Variants in ITPR3 observed in about 807,000 individuals in gnomAD.
ITPR3 encodes the protein inositol 1,4,5-trisphosphate receptor type 3.
ITPR3 carries 173 observed loss-of-function variants against 293.2 expected under a neutral mutation model. That is an observed-to-expected ratio of 0.59 (90% confidence interval 0.52 to 0.67). The LOEUF is 0.67. Among genes scored for constraint, ITPR3 ranks in the 30% least tolerant of loss-of-function variants. The pLI is 0.00. For synonymous variants in ITPR3, 1,295 were observed against 1,444.4 expected, an observed-to-expected ratio of 0.90 and a Z score of 2.35; for missense variants, 2,796 against 3,592.1, an observed-to-expected ratio of 0.78 and a Z score of 5.66.
In ITPR3 at chr6:33,668,566, C is replaced by T. The variant is rs769773929; in HGVS notation, c.1938C>T (p.Pro646=). The T allele has an allele frequency of 6.2e-6, 10 of 1,614,090 alleles. No homozygotes were observed. In the African/African-American group the frequency reaches 6.7e-5, roughly 11 times the overall value. Residue 646 remains proline (P), a synonymous_variant, in exon 17 of 58, where the codon CCC becomes CCT. Transcript: ENST00000605930. ...DLCVSNHIAI[P]VTQELICKCV... Reference sequence around the variant, plus strand: ...GTGTGTCCAACCACATCGCCATCCCCGTCACCCAAGAGCTCATCTGCAAGT... The same window carrying T: ...GTGTGTCCAACCACATCGCCATCCCTGTCACCCAAGAGCTCATCTGCAAGT...
chr6:33,658,805 A>T lies in ITPR3; in HGVS notation c.505A>T (p.Lys169Ter). ...GSWLFIQPFW[K>*]LRSNGDNVVV... The stretch of plus-strand genomic sequence containing the variant: ...CTGGCTCTTCATCCAGCCCTTCTGG[A>T]AGCTGCGGAGCAACGGGGACAACGT... The change falls in exon 5 of 58, where the codon AAG becomes TAG. Residue 169 changes from lysine to a stop codon, truncating the protein, a stop_gained. Coordinates refer to ENST00000605930, the MANE Select transcript of ITPR3 (RefSeq NM_002224.4). LOFTEE classifies it high-confidence loss of function. This position sits in a 1 kb window ranked among gnomAD's most constrained non-coding sequence, Gnocchi z 6.1. The T allele has an allele frequency of 1.2e-6, 2 of 1,614,136 alleles. No individual in the cohort carries two copies. Among genetic ancestry groups the T allele is most frequent in the Non-Finnish European group, 1.7e-6 (2 of 1,180,018 alleles).
At position 33,695,799 on chromosome 6, in the gene ITPR3, C is replaced by A. The variant is rs374745534; in HGVS notation, c.*19C>A. 5.0e-6 allele frequency: 8 copies of A among 1,612,790 alleles called. No individual in the cohort carries two copies. The highest frequency in any genetic ancestry group is 6.8e-6 in the Non-Finnish European group (8 of 1,179,026). On this transcript the variant is annotated 3_prime_UTR_variant, in exon 58 of 58. Transcript: ENST00000605930. ...CCGCTGAGGAGAGCCACCGAAGGCC[C>A]CAACAGGGGATGCTCATCACTGGAG...
At chr6:33,634,844 G>C (rs1275196506) in intron 1 of ITPR3, among the ~76,000 whole-genome samples, 1 of 152,172 alleles carries the variant, frequency 6.6e-6, no homozygotes, top group Non-Finnish European at 1.5e-5. Context: ...GTTCCCAGGA[G>C]AGGCGTGGAG....
In ITPR3 at chr6:33,633,989, C is replaced by T. The variant is rs1410275939; in HGVS notation, c.90-6495C>T. Among the ~76,000 whole-genome samples the T allele has an allele frequency of 6.6e-6, 1 of 152,144 alleles. No homozygotes were observed. The highest frequency in any genetic ancestry group is 1.5e-5 in the Non-Finnish European group (1 of 67,990). ...TCCCTCTCCATGCAAACTTGCCTAA[C>T]TTGTGTCCCGGCCCTCGGCCCTCCC... On this transcript the variant is annotated intron_variant, in intron 1 of 57. Coordinates refer to ENST00000605930, the MANE Select transcript of ITPR3 (RefSeq NM_002224.4). This position sits in a 1 kb window ranked among gnomAD's most constrained non-coding sequence, Gnocchi z 5.2.
At position 33,621,869 on chromosome 6, in the gene ITPR3, G is replaced by T. The variant is rs2151271569; in HGVS notation, c.89+178G>T. 6.6e-6 allele frequency among the ~76,000 whole-genome samples: 1 copy of T among 152,348 alleles called. No homozygotes were observed. Among genetic ancestry groups the T allele is most frequent in the East Asian group, 1.9e-4 (1 of 5,184 alleles). On this transcript the variant is annotated intron_variant, in intron 1 of 57. Coordinates refer to ENST00000605930, the MANE Select transcript of ITPR3 (RefSeq NM_002224.4). This position sits in a 1 kb window ranked among gnomAD's most constrained non-coding sequence, Gnocchi z 7.7. ...GAAAGGAAGTGAAGTGTTTGCTCAG[G>T]TAGGACTCGGGCTCCCTACTGGAGT...
chr6:33,665,219 C>CT lies in ITPR3; in HGVS notation c.1409+7dup. 1 of 1,611,944 alleles carries CT rather than the reference C, an allele frequency of 6.2e-7. No homozygotes were observed. Among genetic ancestry groups the CT allele is most frequent in the African/African-American group, 1.3e-5 (1 of 75,006 alleles). ...ATCAGCCAGAATGACCGCAGGTGGG[C>CT]TGCAGTGGCACAGGGGTTTTCTGAG... On this transcript the variant is annotated splice_region_variant and intron_variant, in intron 13 of 57. Coordinates refer to ENST00000605930, the MANE Select transcript of ITPR3 (RefSeq NM_002224.4).
chr6:33,675,123 T>G lies in ITPR3; in HGVS notation c.3117-568T>G, dbSNP rs958009628. Reference sequence around the variant, plus strand: ...CGCATGGTGGCAGTGGGATCTGTGTTAAGAGTCCTTGTTTCTGGCTAGGTG... The same window carrying G: ...CGCATGGTGGCAGTGGGATCTGTGTGAAGAGTCCTTGTTTCTGGCTAGGTG... On this transcript the variant is annotated intron_variant, in intron 24 of 57. Coordinates refer to ENST00000605930, the MANE Select transcript of ITPR3 (RefSeq NM_002224.4). The surrounding 1 kb of genome is among the most constrained non-coding windows in gnomAD (Gnocchi z 5.0). Among the ~76,000 whole-genome samples, 8 of 152,230 alleles carry G rather than the reference T, an allele frequency of 5.3e-5. No individual in the cohort carries two copies. The highest frequency in any genetic ancestry group is 2.9e-5 in the Non-Finnish European group (2 of 68,018).
In ITPR3 at chr6:33,683,575, GGGA is replaced by G. The variant is rs1765140995; in HGVS notation, c.4788+179_4788+181del. On this transcript the variant is annotated intron_variant, in intron 35 of 57. Coordinates refer to ENST00000605930, the MANE Select transcript of ITPR3 (RefSeq NM_002224.4). This position sits in a 1 kb window ranked among gnomAD's most constrained non-coding sequence, Gnocchi z 4.5. Reference sequence around the variant, plus strand: ...CTGCTAAGGGCCGACCCAGCAGCAAGGGACTGGGGAACCTCCTTCCAGAGGAAG... The same window carrying G: ...CTGCTAAGGGCCGACCCAGCAGCAAGCTGGGGAACCTCCTTCCAGAGGAAG... Among the ~76,000 whole-genome samples the G allele has an allele frequency of 1.3e-5, 2 of 152,202 alleles. No individual in the cohort carries two copies. Among genetic ancestry groups the G allele is most frequent in the Non-Finnish European group, 2.9e-5 (2 of 68,022 alleles).
chr6:33,653,854 C>G (rs1764247512), intron 2 of ITPR3, among the ~76,000 whole-genome samples: 1 of 152,184 alleles, frequency 6.6e-6, no homozygotes, highest in South Asian at 2.1e-4. Flanking sequence ...TGGGAATTGC[C>G]TGCCTCTAAC....
In ITPR3 at chr6:33,675,613, G is replaced by C; in HGVS notation, c.3117-78G>C. The C allele has an allele frequency of 1.4e-6, 2 of 1,475,882 alleles. No individual in the cohort carries two copies. The highest frequency in any genetic ancestry group is 1.8e-6 in the Non-Finnish European group (2 of 1,104,292). 91.4% of individuals were successfully genotyped at this position (1,475,882 alleles called of 1,614,324 possible). ...ATTGGGTGGCGGAGAGTGTGCTTGT[G>C]CCAGGGCCCCTTACCCACCACGGAC... On this transcript the variant is annotated intron_variant, in intron 24 of 57. Coordinates refer to ENST00000605930, the MANE Select transcript of ITPR3 (RefSeq NM_002224.4). The surrounding 1 kb of genome is among the most constrained non-coding windows in gnomAD (Gnocchi z 5.0).
chr6:33,644,374 C>T (rs373718664), intron 2 of ITPR3, among the ~76,000 whole-genome samples: 55 of 151,394 alleles, frequency 3.6e-4, no homozygotes, highest in African/African-American at 1.3e-3. Flanking sequence ...CCGCCCGTCT[C>T]GGCCTTCCAA....
chr6:33,689,149 GAGA>G, intron 49 of ITPR3, 86 bp from the exon 50 acceptor site: 1 of 1,452,628 alleles, frequency 6.9e-7, no homozygotes. Flanking sequence ...AGGCGGCCAG[GAGA>G]AGGTGGCTTT....
At position 33,669,065 on chromosome 6, in the gene ITPR3, A is replaced by G; in HGVS notation, c.2098A>G (p.Asn700Asp). 6.2e-7 allele frequency: 1 copy of G among 1,614,194 alleles called. No homozygotes were observed. The highest frequency in any genetic ancestry group is 1.7e-5 in the Admixed American group (1 of 60,024). ...AGTGTGGCTCACGTGGACTGACAAGAATAACGAGCATCATGAGAAGAGTGT... is the reference window on the plus strand; with the variant it reads ...AGTGTGGCTCACGTGGACTGACAAGGATAACGAGCATCATGAGAAGAGTGT... Reference protein sequence around the residue: ...EEVWLTWTDKNNEHHEKSVRQ... With the variant: ...EEVWLTWTDKDNEHHEKSVRQ... Residue 700 changes from asparagine (N) to aspartate (D), a missense_variant, in exon 18 of 58, where the codon AAT becomes GAT. Transcript: ENST00000605930.
In ITPR3 at chr6:33,678,644, G is replaced by A. The variant is rs747151945; in HGVS notation, c.3777G>A (p.Leu1259=). 1 of 1,612,074 alleles carries A rather than the reference G, an allele frequency of 6.2e-7. No homozygotes were observed. The highest frequency in any genetic ancestry group is 8.5e-7 in the Non-Finnish European group (1 of 1,179,574). Reference sequence around the variant, plus strand: ...ACAGATGCCCCCCACTGCAGCTCCTGGAGGCAGAGACCATGCAGCACATCT... The same window carrying A: ...ACAGATGCCCCCCACTGCAGCTCCTAGAGGCAGAGACCATGCAGCACATCT... ...HLHLFLTPGL[L]EAETMQHIFL... Residue 1259 remains leucine (L), a synonymous_variant, in exon 30 of 58, where the codon CTG becomes CTA. Coordinates refer to ENST00000605930, the MANE Select transcript of ITPR3 (RefSeq NM_002224.4).
At chr6:33,645,475 T>C (rs190791253) in intron 2 of ITPR3, among the ~76,000 whole-genome samples, 4 of 152,356 alleles carry the variant, frequency 2.6e-5, no homozygotes, top group Admixed American at 6.5e-5. Flanking sequence ...AATCCCTTCA[T>C]TGGCACTCCT....
In ITPR3 at chr6:33,671,358, A is replaced by G. The variant is rs749311762; in HGVS notation, c.2728+52A>G. 2.2e-6 allele frequency: 3 copies of G among 1,363,708 alleles called. No individual in the cohort carries two copies. In the South Asian group the frequency reaches 3.7e-5, roughly 17 times the overall value. 84.5% of individuals were successfully genotyped at this position (1,363,708 alleles called of 1,614,324 possible). On this transcript the variant is annotated intron_variant, in intron 21 of 57. Coordinates refer to ENST00000605930, the MANE Select transcript of ITPR3 (RefSeq NM_002224.4). Reference sequence around the variant, plus strand: ...CCCTGGTGGTCCTCAGCCTCCTCCTAGCACAGGAAGTTCCCTCAGATCAAC... The same window carrying G: ...CCCTGGTGGTCCTCAGCCTCCTCCTGGCACAGGAAGTTCCCTCAGATCAAC...
Position 33,670,403 on chromosome 6 carries a change from C to T in ITPR3, c.2268C>T (p.Gly756=), listed in dbSNP as rs2229634. Residue 756 remains glycine (G), a synonymous_variant, in exon 19 of 58, where the codon GGC becomes GGT. Coordinates refer to ENST00000605930, the MANE Select transcript of ITPR3 (RefSeq NM_002224.4). This position sits in a 1 kb window ranked among gnomAD's most constrained non-coding sequence, Gnocchi z 6.7. ...LAIDEISQQL[G]VDLIFLCMAD... ...TCGACGAGATCTCCCAGCAGCTGGG[C>T]GTGGACCTGATTTTCCTGTGCATGG... is the stretch of plus-strand genomic sequence containing the variant. 513,981 of 1,613,780 alleles carry T rather than the reference C, an allele frequency of 0.32. 86,047 individuals carry two copies. Among genetic ancestry groups the T allele is most frequent in the South Asian group, 0.51 (46,139 of 91,076 alleles).
intron 2 of ITPR3, among the ~76,000 whole-genome samples, chr6:33,645,205 G>A (rs1017831725): frequency 6.6e-6 from 1 of 151,850 alleles, no homozygotes; most frequent in African/African-American, 2.4e-5. Flanking sequence ...GTGGTGGTGG[G>A]CACCTGTACT....
At chr6:33,668,112 T>A in intron 16 of ITPR3, 148 bp downstream of exon 16, 1 of 886,704 alleles carries the variant, frequency 1.1e-6, no homozygotes, top group Non-Finnish European at 1.7e-6. Context: ...TGGGAGGCCC[T>A]AGCCTCCCTA....
Sources: allele counts gnomAD v4.1 joint callset (sites outside exome capture counted in the v4.1 genomes callset), GRCh38; gene constraint gnomAD v4.1.1; non-coding constraint Gnocchi (gnomAD v3.1); transcripts MANE v1.5; gene names NCBI Gene and HGNC (gene_info 2026-07-23, HGNC 2026-07-21).